KLHDC1: variants seen among roughly 807,000 people sequenced by gnomAD.
The protein encoded by KLHDC1 is kelch domain containing 1.
A neutral mutation model predicts 68.3 loss-of-function variants in KLHDC1; 53 were observed. The observed-to-expected ratio is 0.78, with a 90% confidence interval of 0.62 to 0.98. KLHDC1 has a LOEUF of 0.98. KLHDC1 is among the 50% of genes least tolerant of loss of function. The pLI, the probability that KLHDC1 is intolerant of heterozygous loss-of-function variation, is 0.00. For missense variants in KLHDC1, 470 were observed against 492.3 expected (o/e 0.95, Z 0.43); for synonymous variants, 148 against 159.0 (o/e 0.93, Z 0.52).
intron 4 of KLHDC1, among the ~76,000 whole-genome samples, chr14:49,723,458 G>A (rs1482579410): frequency 6.6e-6 from 1 of 151,874 alleles, no homozygotes; most frequent in African/African-American, 2.4e-5. Flanking sequence ...CTTGAGCCCG[G>A]GAGGTGGAGG....
intron 4 of KLHDC1, among the ~76,000 whole-genome samples, chr14:49,713,837 TATATATATATATA>T (rs1465820161): frequency 0.011 from 54 of 5,106 alleles, 1 homozygote; most frequent in Middle Eastern, 0.045. Flanking sequence ...TATATATATA[TATATATATATATA>T]TTTTTTTTTT....
chr14:49,706,278 CTAG>C (rs950738416), intron 1 of KLHDC1, among the ~76,000 whole-genome samples: 2 of 152,156 alleles, frequency 1.3e-5, no homozygotes, highest in African/African-American at 4.8e-5. Context: ...CTAATGACCT[CTAG>C]TTCCATCCAT....
chr14:49,723,052 A>AC (rs1382286167), intron 4 of KLHDC1, among the ~76,000 whole-genome samples: 1 of 128,586 alleles, frequency 7.8e-6, no homozygotes, highest in Non-Finnish European at 1.6e-5. Context: ...ACGCCACTGC[A>AC]CTCCAGCCTG....
At chr14:49,712,751 C>T (rs1207294762) in intron 4 of KLHDC1, among the ~76,000 whole-genome samples, 5 of 152,080 alleles carry the variant, frequency 3.3e-5, no homozygotes, top group African/African-American at 9.7e-5. Context: ...GATCCACCTG[C>T]CTCCACCTCC....
intron 11 of KLHDC1, among the ~76,000 whole-genome samples, chr14:49,742,373 A>G (rs1171972492): frequency 6.6e-6 from 1 of 152,216 alleles, no homozygotes; most frequent in Non-Finnish European, 1.5e-5. Flanking sequence ...TTTCAAATTA[A>G]GAATTCCCGG....
intron 10 of KLHDC1, among the ~76,000 whole-genome samples, chr14:49,738,508 G>A (rs992137316): frequency 1.2e-4 from 18 of 151,896 alleles, no homozygotes; most frequent in Admixed American, 7.2e-4. Flanking sequence ...CAACAAGCTC[G>A]GCTAATTTTT....
At chr14:49,724,919 A>G (rs891032234) in intron 5 of KLHDC1, among the ~76,000 whole-genome samples, 26 of 151,632 alleles carry the variant, frequency 1.7e-4, no homozygotes, top group African/African-American at 5.8e-4. Flanking sequence ...AGGCAGAAGG[A>G]TCACTTGTAC....
chr14:49,722,735 A>C (rs548986679), intron 4 of KLHDC1, among the ~76,000 whole-genome samples: 1 of 151,988 alleles, frequency 6.6e-6, no homozygotes, highest in Non-Finnish European at 1.5e-5. Flanking sequence ...GTGAAAAGCA[A>C]GTCTCACATG....
At chr14:49,699,161 CAAAAA>C (rs34856234) in intron 1 of KLHDC1, among the ~76,000 whole-genome samples, 4 of 107,804 alleles carry the variant, frequency 3.7e-5, no homozygotes, top group Admixed American at 9.9e-5. Context: ...AAGACTGTCT[CAAAAA>C]AAAAAAAAAA....
At chr14:49,732,013 A>C (rs1236328616) in intron 8 of KLHDC1, among the ~76,000 whole-genome samples, 1 of 152,210 alleles carries the variant, frequency 6.6e-6, no homozygotes, top group African/African-American at 2.4e-5. Context: ...ATAAAAACCC[A>C]TAATATCCTT....
intron 4 of KLHDC1, among the ~76,000 whole-genome samples, chr14:49,723,403 G>A (rs901781315): frequency 3.9e-5 from 6 of 151,962 alleles, no homozygotes; most frequent in Non-Finnish European, 8.8e-5. Context: ...ATGGTGGCAC[G>A]CACCTGTAGT....
intron 1 of KLHDC1, among the ~76,000 whole-genome samples, chr14:49,699,019 C>A (rs1000186320): frequency 2.0e-5 from 3 of 151,352 alleles, no homozygotes; most frequent in Non-Finnish European, 2.9e-5. Context: ...AAAAAAATAG[C>A]CAGGCGTGGT....
intron 4 of KLHDC1, among the ~76,000 whole-genome samples, chr14:49,714,394 AC>A (rs1411457108): frequency 1.2e-4 from 18 of 151,426 alleles, no homozygotes; most frequent in Non-Finnish European, 2.2e-4. Flanking sequence ...AATGGCTTGA[AC>A]CCAGGAGGTG....
At chr14:49,735,078 TGA>T (rs1888900482) in intron 10 of KLHDC1, among the ~76,000 whole-genome samples, 1 of 152,108 alleles carries the variant, frequency 6.6e-6, no homozygotes, top group African/African-American at 2.4e-5. Flanking sequence ...GCTTCCATGT[TGA>T]TCCAATGGAT....
intron 1 of KLHDC1, 105 bp from the exon 2 acceptor site, chr14:49,709,054 T>C (rs1283974682): frequency 1.8e-6 from 1 of 570,190 alleles, no homozygotes; most frequent in Non-Finnish European, 3.1e-6. Context: ...GAGCCTTCTT[T>C]TGTGTTTTAT....
Position 49,723,929 on chromosome 14 carries a change from T to TTTGATGTTC in KLHDC1, c.461_469dup (p.Val156_His157insLeuAspVal), listed in dbSNP as rs1244459533. 22 of 1,604,404 alleles carry TTTGATGTTC rather than the reference T, an allele frequency of 1.4e-5. No homozygotes were observed. The highest frequency in any genetic ancestry group is 1.9e-5 in the Non-Finnish European group (22 of 1,173,026). On this transcript the variant is annotated inframe_insertion, in exon 5 of 13. Transcript: ENST00000359332. ...GAGACACAGTGAACTCCAAGACTGT[T>TTTGATGTTC]TTGATGTTCATGATGCATCTTGGGT...
At position 49,728,918 on chromosome 14, in the gene KLHDC1, A is replaced by G. The variant is rs1382802961; in HGVS notation, c.568-8A>G. The G allele has an allele frequency of 1.9e-6, 3 of 1,597,436 alleles. No homozygotes were observed. The highest frequency in any genetic ancestry group is 1.7e-6 in the Non-Finnish European group (2 of 1,164,778). On this transcript the variant is annotated splice_polypyrimidine_tract_variant and splice_region_variant and intron_variant, in intron 6 of 12. Transcript: ENST00000359332. The stretch of plus-strand genomic sequence containing the variant: ...GTCTTTGCAGTCTGTTCTGATTTCT[A>G]CTTGCAGGGTGGAGTTCCACCACAG...
chr14:49,693,748 C>CTTCTTTTTTTTTTTTTTTTTTTTTTTTT (rs1887645004), intron 1 of KLHDC1, among the ~76,000 whole-genome samples: 1 of 61,540 alleles, frequency 1.6e-5, no homozygotes, highest in Non-Finnish European at 3.4e-5. Flanking sequence ...TTTTCTTTTT[C>CTTCTTTTTTTTTTTTTTTTTTTTTTTTT]TTTTTTTTTT....
rs1888889907 is a variant in KLHDC1 at position 49,734,599 on chromosome 14, G to A, written c.834G>A (p.Trp278Ter). ...SADNIPLSDG[W>*]IHNVTTNCWK... is the part of the protein sequence containing the mutation. ...GTCATGATATTGCAGGTGATGGTTG[G>A]ATTCATAATGTCACAACAAATTGTT... The change falls in exon 10 of 13, where the codon TGG becomes TGA. Residue 278 changes from tryptophan to a stop codon, truncating the protein, a stop_gained. Coordinates refer to ENST00000359332, the MANE Select transcript of KLHDC1 (RefSeq NM_172193.3). LOFTEE classifies it high-confidence loss of function. 14 of 1,585,486 alleles carry A rather than the reference G, an allele frequency of 8.8e-6. No individual in the cohort carries two copies. The highest frequency in any genetic ancestry group is 1.1e-5 in the Non-Finnish European group (13 of 1,161,974).
Sources: allele counts gnomAD v4.1 joint callset (sites outside exome capture counted in the v4.1 genomes callset), GRCh38; gene constraint gnomAD v4.1.1; transcripts MANE v1.5; gene names NCBI Gene and HGNC (gene_info 2026-07-23, HGNC 2026-07-21).